Variants in SLC25A26 observed in about 807,000 individuals in gnomAD.
The protein encoded by SLC25A26 is solute carrier family 25 member 26.
Under a neutral mutation model 37.8 loss-of-function variants are expected in SLC25A26, and 36 were observed. The ratio of observed to expected loss-of-function variants is 0.95; its 90% CI spans 0.73 to 1.26. SLC25A26 has a LOEUF of 1.26. SLC25A26 is among the 50% of genes most tolerant of loss of function. SLC25A26 has a pLI of 0.00. For synonymous variants in SLC25A26, 129 were observed against 122.5 expected, an observed-to-expected ratio of 1.05 and a Z score of -0.35; for missense variants, 390 against 331.1, an observed-to-expected ratio of 1.18 and a Z score of -1.38.
chr3:66,262,366 A>G (rs200411916), intron 4 of SLC25A26, among the ~76,000 whole-genome samples: 10 of 152,326 alleles, frequency 6.6e-5, no homozygotes, highest in African/African-American at 2.2e-4. Flanking sequence ...TGAGCATAAC[A>G]TTGAGTGTCC....
At chr3:66,346,442 C>G in intron 6 of SLC25A26, 34 bp downstream of exon 6, 1 of 1,169,960 alleles carries the variant, frequency 8.5e-7, no homozygotes, top group South Asian at 1.6e-5. Flanking sequence ...AAATTTGTCT[C>G]TAATTATAAC....
chr3:66,205,982 A>G (rs2071171161), intron 1 of SLC25A26, among the ~76,000 whole-genome samples: 1 of 152,214 alleles, frequency 6.6e-6, no homozygotes, highest in Admixed American at 6.5e-5. Flanking sequence ...AGAGCAGGTT[A>G]GTGCTGTAAG....
At chr3:66,325,012 T>C (rs2075800559) in intron 5 of SLC25A26, among the ~76,000 whole-genome samples, 1 of 152,216 alleles carries the variant, frequency 6.6e-6, no homozygotes, top group Admixed American at 6.5e-5. Flanking sequence ...TTTGGGCTTA[T>C]ATACTATCTT....
At chr3:66,332,938 A>G (rs985129778) in intron 5 of SLC25A26, among the ~76,000 whole-genome samples, 2 of 152,070 alleles carry the variant, frequency 1.3e-5, no homozygotes, top group Non-Finnish European at 2.9e-5. Context: ...GTATCCATAC[A>G]TACACTTTTT....
chr3:66,163,485 A>G (rs973710011), intron 1 of SLC25A26, among the ~76,000 whole-genome samples: 10 of 152,220 alleles, frequency 6.6e-5, no homozygotes, highest in African/African-American at 2.4e-4. Flanking sequence ...ACCATTGACA[A>G]GATCACATTT....
intron 1 of SLC25A26, among the ~76,000 whole-genome samples, chr3:66,169,441 C>T (rs1454855970): frequency 2.0e-5 from 3 of 152,174 alleles, no homozygotes; most frequent in Non-Finnish European, 2.9e-5. Flanking sequence ...CTGTTGACTC[C>T]GTCCCCTCAC....
chr3:66,322,538 A>G (rs2075723635), intron 5 of SLC25A26, among the ~76,000 whole-genome samples: 1 of 152,212 alleles, frequency 6.6e-6, no homozygotes, highest in Admixed American at 6.5e-5. Flanking sequence ...TTGCATTGGC[A>G]TTGAGTATCT....
intron 5 of SLC25A26, among the ~76,000 whole-genome samples, chr3:66,266,449 GTATGCAATTTTTTCTT>G (rs1043611171): frequency 6.6e-5 from 10 of 151,932 alleles, no homozygotes; most frequent in African/African-American, 2.4e-4. Context: ...CATTTATTCT[GTATGCAATTTTTTCTT>G]TAAACTGGTT....
At chr3:66,335,274 A>G (rs1333987586) in intron 5 of SLC25A26, among the ~76,000 whole-genome samples, 1 of 152,212 alleles carries the variant, frequency 6.6e-6, no homozygotes, top group Non-Finnish European at 1.5e-5. Context: ...TTCTATTATC[A>G]TAAATAAGAA....
At chr3:66,351,015 A>T (rs1374200124) in intron 6 of SLC25A26, among the ~76,000 whole-genome samples, 2 of 152,134 alleles carry the variant, frequency 1.3e-5, no homozygotes, top group Non-Finnish European at 2.9e-5. Flanking sequence ...TAGTGTTCAG[A>T]TAAGGCCTTA....
At position 66,203,627 on chromosome 3, in the gene SLC25A26, G is replaced by A. The variant is rs1453246087; in HGVS notation, c.-353-17115G>A. Among the ~76,000 whole-genome samples, 6 of 152,232 alleles carry A rather than the reference G, an allele frequency of 3.9e-5. No individual in the cohort carries two copies. In the East Asian group the frequency reaches 1.2e-3, roughly 29 times the overall value. On this transcript the variant is annotated intron_variant, in intron 1 of 10. Coordinates refer to the SLC25A26 transcript ENST00000676754. ...AAATGCTCATTAAAAATTAGAGCAT[G>A]GTTTTTAACTGTTTCCCCTTTGGGT...
intron 1 of SLC25A26, among the ~76,000 whole-genome samples, chr3:66,233,003 G>A (rs984205834): frequency 4.6e-5 from 7 of 152,206 alleles, no homozygotes; most frequent in Non-Finnish European, 1.5e-5. Flanking sequence ...GGAGGAAACC[G>A]AGACTGTCGG....
At chr3:66,243,085 A>G (rs1325017629) in intron 2 of SLC25A26, 118 bp from the exon 3 acceptor site, 1 of 595,730 alleles carries the variant, frequency 1.7e-6, no homozygotes, top group Non-Finnish European at 3.0e-6. Flanking sequence ...TGTGCTTATC[A>G]CCTTTTCTCT....
chr3:66,298,690 A>G lies in SLC25A26; in HGVS notation c.453+35311A>G, dbSNP rs551267670. ...TTCCTCAGTGCTAAAAGCTGCTAGA[A>G]ATGAGCACCAGTCACACTACTGATC... On this transcript the variant is annotated intron_variant, in intron 5 of 9. Transcript: ENST00000354883. 2.0e-5 allele frequency among the ~76,000 whole-genome samples: 3 copies of G among 152,328 alleles called. No individual in the cohort carries two copies. In the South Asian group the frequency reaches 6.2e-4, roughly 32 times the overall value.
chr3:66,174,059 GA>G (rs372221711), intron 1 of SLC25A26, among the ~76,000 whole-genome samples: 1,391 of 134,006 alleles, frequency 0.01, 8 homozygotes, highest in East Asian at 0.021. Flanking sequence ...TCTCAAAAAA[GA>G]AAAAAAAAAA....
intron 1 of SLC25A26, among the ~76,000 whole-genome samples, chr3:66,204,008 T>C (rs1033206677): frequency 0.012 from 1,791 of 152,326 alleles, 40 homozygotes; most frequent in African/African-American, 0.042. Flanking sequence ...AAGAATGGAA[T>C]ATTCTATGCA....
chr3:66,369,644 T>A, intron 8 of SLC25A26, 102 bp downstream of exon 8: 1 of 987,474 alleles, frequency 1.0e-6, no homozygotes, highest in East Asian at 2.7e-5. Context: ...ACCATTTACC[T>A]GTAATAGCAT....
intron 5 of SLC25A26, among the ~76,000 whole-genome samples, chr3:66,271,391 T>G (rs1408558806): frequency 6.6e-6 from 1 of 152,192 alleles, no homozygotes; most frequent in African/African-American, 2.4e-5. Context: ...TGGCTAACTT[T>G]AATGCTCTGG....
At chr3:66,204,211 G>C (rs981169287) in intron 1 of SLC25A26, among the ~76,000 whole-genome samples, 7 of 152,038 alleles carry the variant, frequency 4.6e-5, no homozygotes, top group Non-Finnish European at 1.0e-4. Context: ...GGATCACGAG[G>C]TCAGGAGATC....
Sources: gnomAD v4.1 joint callset for allele counts (sites outside exome capture counted in the v4.1 genomes callset) on GRCh38, gnomAD v4.1.1 for gene constraint, MANE v1.5 for transcripts, NCBI Gene and HGNC (gene_info 2026-07-23, HGNC 2026-07-21) for gene names.